NEGR1: variants seen among roughly 807,000 people sequenced by gnomAD.
NEGR1 encodes the protein IgLON family member 4.
NEGR1 carries 10 observed loss-of-function variants against 40.9 expected under a neutral mutation model. The ratio of observed to expected loss-of-function variants is 0.24; its 90% CI spans 0.15 to 0.42. The LOEUF (loss-of-function observed/expected upper bound fraction) is 0.42. NEGR1 is among the 10% of genes least tolerant of loss of function. The probability of loss-of-function intolerance (pLI) is 1.00; values close to 1 mark genes in which losing one functional copy is unlikely to be tolerated. For missense variants in NEGR1, 352 were observed against 438.9 expected (o/e 0.80, Z 1.77); for synonymous variants, 185 against 166.8 (o/e 1.11, Z -0.84).
intron 1 of NEGR1, among the ~76,000 whole-genome samples, chr1:72,179,819 T>A (rs758063268): frequency 1.7e-4 from 26 of 151,868 alleles, no homozygotes; most frequent in Non-Finnish European, 3.2e-4. Flanking sequence ...TAGGAATAAA[T>A]TTAACCAAGG....
At chr1:72,274,654 G>A in intron 1 of NEGR1, 1 of 869,476 alleles carries the variant, frequency 1.2e-6, no homozygotes, top group South Asian at 1.3e-5. Context: ...AAGGCTAAGT[G>A]CTATTTATGG....
chr1:71,477,627 T>C (rs115568999), intron 6 of NEGR1, among the ~76,000 whole-genome samples: 1,729 of 152,206 alleles, frequency 0.011, 32 homozygotes, highest in African/African-American at 0.04. Flanking sequence ...AAGTGTCCAG[T>C]TGCTTTAGTT....
rs1481107126 is a variant in NEGR1, at chr1:71,488,932, C to T, written c.941-81362G>A. Among the ~76,000 whole-genome samples the T allele has an allele frequency of 2.6e-5, 4 of 151,830 alleles. No homozygotes were observed. The East Asian group carries it at 5.8e-4, about 22-fold the overall frequency. ...TCGACCTAGACTTGAAAACTGGCTC[C>T]ACTATTTTACTTACTATCTGTGTGA... On this transcript the variant is annotated intron_variant, in intron 6 of 6. Transcript: ENST00000357731.
chr1:71,811,362 A>C (rs1469074043), intron 2 of NEGR1, among the ~76,000 whole-genome samples: 1 of 152,072 alleles, frequency 6.6e-6, no homozygotes, highest in Non-Finnish European at 1.5e-5. Flanking sequence ...TAAAAGAGCT[A>C]TCTGTTTGCC....
intron 1 of NEGR1, among the ~76,000 whole-genome samples, chr1:72,201,635 T>C (rs753395206): frequency 6.6e-6 from 1 of 151,822 alleles, no homozygotes; most frequent in African/African-American, 2.4e-5. Flanking sequence ...ACACGAATTT[T>C]AGGATGTATT....
intron 2 of NEGR1, among the ~76,000 whole-genome samples, chr1:71,916,207 T>C (rs1661578067): frequency 6.6e-6 from 1 of 152,214 alleles, no homozygotes; most frequent in African/African-American, 2.4e-5. Flanking sequence ...ATGTTTATTT[T>C]ATACTATCTG....
chr1:71,497,662 G>A (rs1557546401), intron 6 of NEGR1, among the ~76,000 whole-genome samples: 2 of 151,634 alleles, frequency 1.3e-5, no homozygotes, highest in African/African-American at 4.9e-5. Flanking sequence ...AAAGAATGAT[G>A]AAAAAATGCA....
intron 6 of NEGR1, among the ~76,000 whole-genome samples, chr1:71,432,576 C>A (rs1019650460): frequency 1.1e-4 from 16 of 152,112 alleles, no homozygotes; most frequent in African/African-American, 3.9e-4. Context: ...TTTCTCTTCC[C>A]CTCCCTGTTA....
intron 2 of NEGR1, among the ~76,000 whole-genome samples, chr1:71,931,501 A>C (rs1645855211): frequency 6.6e-6 from 1 of 152,160 alleles, no homozygotes; most frequent in African/African-American, 2.4e-5. Flanking sequence ...GCATAGTACC[A>C]GCATCTTCCA....
At chr1:72,265,500 G>A (rs974937365) in intron 1 of NEGR1, among the ~76,000 whole-genome samples, 1 of 150,708 alleles carries the variant, frequency 6.6e-6, no homozygotes, top group East Asian at 1.9e-4. Flanking sequence ...AGAATAACAA[G>A]TCAATTGTTA....
intron 6 of NEGR1, among the ~76,000 whole-genome samples, chr1:71,491,478 G>A (rs1292098840): frequency 2.6e-5 from 4 of 151,970 alleles, no homozygotes; most frequent in African/African-American, 7.2e-5. Flanking sequence ...TAATGGAAGT[G>A]ACTACAAGCA....
At chr1:71,513,833 G>A (rs1557551688) in intron 6 of NEGR1, among the ~76,000 whole-genome samples, 1 of 150,720 alleles carries the variant, frequency 6.6e-6, no homozygotes, top group Non-Finnish European at 1.5e-5. Flanking sequence ...TCACTAGGGA[G>A]TGCCAGACAG....
At chr1:72,004,195 T>TAC (rs917690409) in intron 1 of NEGR1, among the ~76,000 whole-genome samples, 10 of 151,926 alleles carry the variant, frequency 6.6e-5, no homozygotes, top group Non-Finnish European at 1.0e-4. Context: ...TATATATATA[T>TAC]ACACACACAC....
chr1:71,606,177 G>T (rs1650069307), intron 5 of NEGR1, among the ~76,000 whole-genome samples: 1 of 152,178 alleles, frequency 6.6e-6, no homozygotes, highest in Non-Finnish European at 1.5e-5. Context: ...CTGAAACTAG[G>T]TTATAAAGGA....
chr1:72,161,676 CTTTTTTTTT>C (rs779074685), intron 1 of NEGR1, among the ~76,000 whole-genome samples: 2 of 84,568 alleles, frequency 2.4e-5, no homozygotes, highest in African/African-American at 5.1e-5. Context: ...TTCTTTCTTT[CTTTTTTTTT>C]TTTTTTTTTT....
intron 4 of NEGR1, among the ~76,000 whole-genome samples, chr1:71,665,122 T>C (rs1288911291): frequency 6.6e-6 from 1 of 152,162 alleles, no homozygotes; most frequent in African/African-American, 2.4e-5. Context: ...TTAAACACTT[T>C]TAAATAGGCT....
chr1:71,594,519 C>A (rs1475003666), intron 5 of NEGR1, among the ~76,000 whole-genome samples: 7 of 152,064 alleles, frequency 4.6e-5, no homozygotes, highest in Admixed American at 2.6e-4. Flanking sequence ...TTGGCTTACC[C>A]CAAATGCAAA....
At chr1:72,065,719 T>C (rs1417001715) in intron 1 of NEGR1, among the ~76,000 whole-genome samples, 1 of 152,120 alleles carries the variant, frequency 6.6e-6, no homozygotes, top group Non-Finnish European at 1.5e-5. Context: ...CATATTAACA[T>C]TTATATACCT....
chr1:71,816,511 G>A (rs1658218306), intron 2 of NEGR1, among the ~76,000 whole-genome samples: 2 of 151,948 alleles, frequency 1.3e-5, no homozygotes, highest in Non-Finnish European at 2.9e-5. Context: ...CTTGTGCAGG[G>A]GAACTGCCCT....
Sources: allele counts gnomAD v4.1 joint callset (sites outside exome capture counted in the v4.1 genomes callset), GRCh38; gene constraint gnomAD v4.1.1; transcripts MANE v1.5; gene names NCBI Gene and HGNC (gene_info 2026-07-23, HGNC 2026-07-21).